Variants in TRIP12 observed in about 807,000 individuals in gnomAD.
TRIP12 encodes thyroid hormone receptor interactor 12.
Under a neutral mutation model 244.2 loss-of-function variants are expected in TRIP12, and 25 were observed. The observed-to-expected ratio is 0.10, with a 90% CI of 0.07 to 0.14. The LOEUF (loss-of-function observed/expected upper bound fraction) is 0.14, where lower values mean the gene tolerates loss of function less well. Ranked by LOEUF, TRIP12 falls within the 10% of genes least tolerant of loss-of-function variation. TRIP12 has a pLI of 1.00. For missense variants in TRIP12, 1,677 were observed against 2,486.4 expected, an observed-to-expected ratio of 0.67 and a Z score of 6.92; for synonymous variants, 905 against 873.1, an observed-to-expected ratio of 1.04 and a Z score of -0.64.
At chr2:229,827,255 G>T (rs1299344996) in intron 8 of TRIP12, among the ~76,000 whole-genome samples, 1 of 151,252 alleles carries the variant, frequency 6.6e-6, no homozygotes, top group African/African-American at 2.4e-5. Context: ...ACTCCAGCCT[G>T]GGAGACAGAG....
At chr2:229,779,081 C>T in intron 34 of TRIP12, 91 bp from the exon 35 acceptor site, 2 of 1,020,678 alleles carry the variant, frequency 2.0e-6, no homozygotes. Context: ...CTAACAGCAA[C>T]TGTTTACCAG....
intron 39 of TRIP12, among the ~76,000 whole-genome samples, chr2:229,770,407 A>G (rs1029159071): frequency 1.3e-5 from 2 of 152,248 alleles, no homozygotes; most frequent in African/African-American, 2.4e-5. Context: ...AGCAGTGCCT[A>G]CAAGTATCAG....
intron 2 of TRIP12, among the ~76,000 whole-genome samples, chr2:229,878,723 G>A (rs1378800442): frequency 6.6e-6 from 1 of 151,382 alleles, no homozygotes; most frequent in East Asian, 2.1e-4. Flanking sequence ...TGGGACTACA[G>A]GCGCCCACCA....
At chr2:229,796,945 AACAC>A (rs58071278) in intron 24 of TRIP12, among the ~76,000 whole-genome samples, 163 bp from the exon 25 acceptor site, 28 of 151,442 alleles carry the variant, frequency 1.8e-4, no homozygotes, top group African/African-American at 2.4e-4. Context: ...TATGATTTTA[AACAC>A]ACACACACAC....
At chr2:229,798,332 C>G (rs1224857007) in intron 23 of TRIP12, among the ~76,000 whole-genome samples, 1 of 151,944 alleles carries the variant, frequency 6.6e-6, no homozygotes, top group Non-Finnish European at 1.5e-5. Context: ...GAAAAACAAC[C>G]AACAAAACCA....
upstream of TRIP12, chr2:229,922,547 A>C: frequency 6.2e-7 from 1 of 1,613,782 alleles, no homozygotes. Context: ...TCTCTTTGAA[A>C]CTGTAGGACA....
rs1574846156 is a variant in TRIP12 at position 229,778,677 on chromosome 2, T to C, written c.5210-90A>G. The C allele has an allele frequency of 6.5e-7, 1 of 1,531,886 alleles. No individual in the cohort carries two copies. Among genetic ancestry groups the C allele is most frequent in the East Asian group, 2.3e-5 (1 of 44,272 alleles). The allele number at this position is 1,531,886 out of a possible 1,614,324, so 94.9% of individuals were successfully genotyped here. A position where few individuals can be genotyped will look rare whatever the true frequency, so the allele number is the denominator to read the frequency against. The stretch of plus-strand genomic sequence containing the variant: ...CTAAGAACATTTAAGAAATTAAGCA[T>C]TCTCAAAATTGGAGTGCAGATCACT... On this transcript the variant is annotated intron_variant, in intron 35 of 41. Coordinates refer to ENST00000675903, the MANE Select transcript of TRIP12 (RefSeq NM_001348323.3). This position sits in a 1 kb window ranked among gnomAD's most constrained non-coding sequence, Gnocchi z 4.1.
At chr2:229,856,228 T>A (rs2059590678) in intron 4 of TRIP12, among the ~76,000 whole-genome samples, 1 of 152,178 alleles carries the variant, frequency 6.6e-6, no homozygotes, top group Non-Finnish European at 1.5e-5. Context: ...AAAAGTGATT[T>A]AATAGTGACA....
chr2:229,782,647 C>T (rs1299446177), intron 34 of TRIP12, among the ~76,000 whole-genome samples: 1 of 152,156 alleles, frequency 6.6e-6, no homozygotes, highest in African/African-American at 2.4e-5. Context: ...ACTGAATACT[C>T]TTAGCTTTTT....
intron 9 of TRIP12, among the ~76,000 whole-genome samples, chr2:229,818,007 C>T (rs2048936076): frequency 6.6e-6 from 1 of 152,104 alleles, no homozygotes. Flanking sequence ...CGACACAACC[C>T]AGAGTGAGCT....
At chr2:229,841,179 T>C in intron 4 of TRIP12, among the ~76,000 whole-genome samples, 1 of 152,196 alleles carries the variant, frequency 6.6e-6, no homozygotes, top group Middle Eastern at 3.2e-3. Context: ...GTCCTGCCTA[T>C]CTCTCCTCTT....
At chr2:229,849,112 T>C (rs561784432) in intron 4 of TRIP12, among the ~76,000 whole-genome samples, 3 of 152,218 alleles carry the variant, frequency 2.0e-5, no homozygotes, top group Non-Finnish European at 2.9e-5. Flanking sequence ...TTCTTCAAGA[T>C]GAAACAAATG....
At chr2:229,839,354 C>T (rs2055731620) in intron 5 of TRIP12, among the ~76,000 whole-genome samples, 1 of 152,142 alleles carries the variant, frequency 6.6e-6, no homozygotes, top group Admixed American at 6.6e-5. Flanking sequence ...CCTAATGACA[C>T]ATATCTCAGA....
chr2:229,767,418 C>G lies in TRIP12; in HGVS notation c.*136G>C. On this transcript the variant is annotated 3_prime_UTR_variant, in exon 42 of 42. Transcript: ENST00000675903. ...ATTAATGAATATCAACCAAATGTCT[C>G]TTTATAATCTGCAAGCCGTTTTTCC... 9.5e-7 allele frequency: 1 copy of G among 1,058,120 alleles called. No individual in the cohort carries two copies. The highest frequency in any genetic ancestry group is 3.0e-5 in the Admixed American group (1 of 33,434). 65.5% of individuals were successfully genotyped at this position (1,058,120 alleles called of 1,614,324 possible).
rs1337891815 is a variant in TRIP12 at position 229,804,157 on chromosome 2, C to T, written c.2721G>A (p.Lys907=). The T allele has an allele frequency of 6.2e-7, 1 of 1,614,090 alleles. No homozygotes were observed. The highest frequency in any genetic ancestry group is 8.5e-7 in the Non-Finnish European group (1 of 1,179,990). ...CACCAAATAATGTCTTAATAAAAGA[C>T]TTAGCCAGTTCCGGATCCTCTTTCA... ...QLMKEDPELA[K]SFIKTLFGVL... is the part of the protein sequence containing the mutation. The change falls in exon 19 of 42, where the codon AAG becomes AAA. Residue 907 remains lysine, a synonymous_variant. Coordinates refer to ENST00000675903, the MANE Select transcript of TRIP12 (RefSeq NM_001348323.3).
At chr2:229,795,992 C>T (rs370064146) in intron 25 of TRIP12, among the ~76,000 whole-genome samples, 1 of 152,136 alleles carries the variant, frequency 6.6e-6, no homozygotes, top group African/African-American at 2.4e-5. Flanking sequence ...TAATAGGGAA[C>T]GTTTCCAAGT....
At chr2:229,820,258 G>A (rs1256398407) in intron 8 of TRIP12, among the ~76,000 whole-genome samples, 1 of 151,714 alleles carries the variant, frequency 6.6e-6, no homozygotes, top group Non-Finnish European at 1.5e-5. Flanking sequence ...TAACCATTGG[G>A]GTTGGCAACT....
chr2:229,866,072 C>T (rs1244336898), intron 2 of TRIP12, among the ~76,000 whole-genome samples: 1 of 152,108 alleles, frequency 6.6e-6, no homozygotes, highest in Non-Finnish European at 1.5e-5. Flanking sequence ...AACAAAAAGA[C>T]CCAACTGTCC....
At position 229,840,891 on chromosome 2, in the gene TRIP12, G is replaced by A. The variant is rs1482436338; in HGVS notation, c.1064C>T (p.Pro355Leu). The change falls in exon 5 of 42, where the codon CCA becomes CTA. Residue 355 changes from proline to leucine, a missense_variant. This residue lies in a region of TRIP12 where 143 missense variants were observed against 215.6 expected (regional missense o/e 0.66). Transcript: ENST00000675903. Reference sequence around the variant, plus strand: ...CCTCAAACTGGGGAGCTCAGCAGGTGGAGACTCACTGCGTTTCTTCGTAGA... The same window carrying A: ...CCTCAAACTGGGGAGCTCAGCAGGTAGAGACTCACTGCGTTTCTTCGTAGA... Reference protein sequence around the residue: ...RKSTKKRSESPPAELPSLRRS... With the variant: ...RKSTKKRSESLPAELPSLRRS... 6.2e-7 allele frequency: 1 copy of A among 1,609,440 alleles called. No individual in the cohort carries two copies. The highest frequency in any genetic ancestry group is 8.5e-7 in the Non-Finnish European group (1 of 1,178,852).
Sources: allele counts gnomAD v4.1 joint callset (sites outside exome capture counted in the v4.1 genomes callset), GRCh38; gene constraint gnomAD v4.1.1; regional missense constraint gnomAD v4.1.1; non-coding constraint Gnocchi (gnomAD v3.1); transcripts MANE v1.5; gene names NCBI Gene and HGNC (gene_info 2026-07-23, HGNC 2026-07-21).